TMCC3: variants seen among roughly 807,000 people sequenced by gnomAD.
TMCC3 encodes the protein transmembrane and coiled-coil domain protein 3.
In TMCC3, 28 loss-of-function variants were observed where a neutral mutation model predicts 40.2. That is an observed-to-expected ratio of 0.70 (90% confidence interval 0.52 to 0.95). The LOEUF is 0.95. TMCC3 is among the 40% of genes least tolerant of loss of function. The pLI is 0.00. For synonymous variants in TMCC3, 255 were observed against 248.5 expected, an observed-to-expected ratio of 1.03 and a Z score of -0.25; for missense variants, 554 against 615.2, an observed-to-expected ratio of 0.90 and a Z score of 1.05.
At chr12:94,583,917 T>C (rs927275930) in intron 1 of TMCC3, among the ~76,000 whole-genome samples, 3 of 152,234 alleles carry the variant, frequency 2.0e-5, no homozygotes, top group South Asian at 4.1e-4. Context: ...AACTGAAGCA[T>C]CTCATTTGTC....
intron 1 of TMCC3, among the ~76,000 whole-genome samples, chr12:94,611,576 T>C (rs2138859777): frequency 6.6e-6 from 1 of 152,224 alleles, no homozygotes; most frequent in East Asian, 1.9e-4. Context: ...TTGGAATCCA[T>C]GGGGGATTGG....
intron 1 of TMCC3, among the ~76,000 whole-genome samples, chr12:94,603,146 G>T: frequency 6.6e-6 from 1 of 152,028 alleles, no homozygotes; most frequent in Non-Finnish European, 1.5e-5. Context: ...GTGCAGTGGC[G>T]CAATCTCGGT....
chr12:94,584,900 C>CT, intron 1 of TMCC3, among the ~76,000 whole-genome samples: 1 of 151,702 alleles, frequency 6.6e-6, no homozygotes, highest in Non-Finnish European at 1.5e-5. Flanking sequence ...ATACAACAAT[C>CT]TTTAAGTCCT....
intron 1 of TMCC3, chr12:94,644,380 G>C (rs990713930): frequency 8.1e-6 from 8 of 985,402 alleles, no homozygotes; most frequent in Non-Finnish European, 9.6e-6. Context: ...AGTAGGACTA[G>C]GTTGATTTCT....
At chr12:94,604,433 G>A (rs1329150711) in intron 1 of TMCC3, among the ~76,000 whole-genome samples, 1 of 152,084 alleles carries the variant, frequency 6.6e-6, no homozygotes, top group Non-Finnish European at 1.5e-5. Context: ...GTCCTGTGCT[G>A]AAAGAACTGG....
chr12:94,579,451 G>A (rs564399261), intron 2 of TMCC3, among the ~76,000 whole-genome samples: 2 of 152,318 alleles, frequency 1.3e-5, no homozygotes, highest in South Asian at 4.1e-4. Context: ...AGGCTGCAGT[G>A]AGCCCAGATC....
At position 94,582,026 on chromosome 12, in the gene TMCC3, C is replaced by T. The variant is rs1194759278; in HGVS notation, c.591G>A (p.Val197=). ...ACTCTCTGGACTTATTGAAAACGAA[C>T]ACAGGTGGAGTAAGTGAGACCCCTG... ...GMPGVSLTPP[V]FVFNKSREFA... The change falls in exon 2 of 4, where the codon GTG becomes GTA. Residue 197 remains valine, a synonymous_variant. Coordinates refer to ENST00000261226, the MANE Select transcript of TMCC3 (RefSeq NM_020698.4). 6.2e-7 allele frequency: 1 copy of T among 1,614,190 alleles called. No individual in the cohort carries two copies. Among genetic ancestry groups the T allele is most frequent in the Non-Finnish European group, 8.5e-7 (1 of 1,180,022 alleles).
rs766365290 is a variant in TMCC3, at chr12:94,578,503, T to C, written c.1022A>G (p.His341Arg). ...YRYERLEDQL[H>R]DLTDLHQHET... The stretch of plus-strand genomic sequence containing the variant: ...ATGCTGATGCAGGTCCGTCAGGTCA[T>C]GCAGCTGGTCCTCCAGTCGCTCATA... The change falls in exon 3 of 4, where the codon CAT becomes CGT. Residue 341 changes from histidine (H) to arginine (R), a missense_variant. By Grantham distance (29) the His-to-Arg change is conservative. Coordinates refer to ENST00000261226, the MANE Select transcript of TMCC3 (RefSeq NM_020698.4). 3.1e-6 allele frequency: 5 copies of C among 1,614,142 alleles called. No individual in the cohort carries two copies. The highest frequency in any genetic ancestry group is 4.2e-6 in the Non-Finnish European group (5 of 1,180,014).
At chr12:94,572,881 C>T (rs751632818) in intron 3 of TMCC3, among the ~76,000 whole-genome samples, 1 of 151,928 alleles carries the variant, frequency 6.6e-6, no homozygotes, top group Non-Finnish European at 1.5e-5. Context: ...GCTCTCTGAA[C>T]GCGGTGTTAC....
At chr12:94,593,452 G>GAGAAGAAGA (rs370270093) in intron 1 of TMCC3, among the ~76,000 whole-genome samples, 1 of 122,740 alleles carries the variant, frequency 8.1e-6, no homozygotes, top group African/African-American at 3.6e-5. Flanking sequence ...GAAGGAGAAG[G>GAGAAGAAGA]AGAAGAAGAA....
intron 1 of TMCC3, chr12:94,644,357 C>T (rs1386669821): frequency 2.5e-5 from 25 of 984,676 alleles, no homozygotes; most frequent in African/African-American, 5.2e-5. Context: ...AGTCAAGCTG[C>T]GGGCATTTTC....
chr12:94,598,383 A>AC (rs11378234), intron 1 of TMCC3, among the ~76,000 whole-genome samples: 149,854 of 152,302 alleles, frequency 0.98, 73,732 homozygotes, highest in East Asian at 1. Flanking sequence ...ACCATTAAAT[A>AC]TGCAAATGTG....
At chr12:94,620,107 G>A (rs995060304) in intron 1 of TMCC3, among the ~76,000 whole-genome samples, 12 of 151,798 alleles carry the variant, frequency 7.9e-5, no homozygotes, top group Admixed American at 4.6e-4. Flanking sequence ...AGGTTGCGGC[G>A]AGCCAAGATA....
At chr12:94,594,477 A>C (rs560793183) in intron 1 of TMCC3, among the ~76,000 whole-genome samples, 1 of 152,336 alleles carries the variant, frequency 6.6e-6, no homozygotes, top group South Asian at 2.1e-4. Context: ...AGAAGGGGTG[A>C]GCAAGAGCTG....
intron 1 of TMCC3, among the ~76,000 whole-genome samples, chr12:94,647,662 G>T (rs2069027129): frequency 6.6e-6 from 1 of 152,190 alleles, no homozygotes; most frequent in Non-Finnish European, 1.5e-5. Flanking sequence ...GTGACATCAA[G>T]AAATTAGCAC....
At chr12:94,598,517 A>G (rs146967229) in intron 1 of TMCC3, 11 of 942,592 alleles carry the variant, frequency 1.2e-5, no homozygotes, top group African/African-American at 1.8e-5. Flanking sequence ...TTTGGCATTC[A>G]TAAGTAGGAG....
chr12:94,629,631 A>C (rs1234140227), intron 1 of TMCC3, among the ~76,000 whole-genome samples: 1 of 152,162 alleles, frequency 6.6e-6, no homozygotes, highest in East Asian at 1.9e-4. Flanking sequence ...GCCCTGTCGG[A>C]GAAGAAAGCC....
chr12:94,610,855 T>C (rs2068812120), intron 1 of TMCC3, among the ~76,000 whole-genome samples: 1 of 152,208 alleles, frequency 6.6e-6, no homozygotes, highest in South Asian at 2.1e-4. Context: ...TGAACATTTC[T>C]AGAAGCTGTC....
chr12:94,588,298 C>A (rs1432116386), intron 1 of TMCC3, among the ~76,000 whole-genome samples: 1 of 152,118 alleles, frequency 6.6e-6, no homozygotes, highest in Admixed American at 6.5e-5. Context: ...ACACCACCCA[C>A]CCCCCAGCAA....
Sources: gnomAD v4.1 joint callset for allele counts (sites outside exome capture counted in the v4.1 genomes callset) on GRCh38, gnomAD v4.1.1 for gene constraint, MANE v1.5 for transcripts, NCBI Gene and HGNC (gene_info 2026-07-23, HGNC 2026-07-21) for gene names.